VPS13B: variants seen among roughly 807,000 people sequenced by gnomAD.
VPS13B encodes the protein vacuolar protein sorting 13 homolog B.
In VPS13B, 285 loss-of-function variants were observed where a neutral mutation model predicts 426.4. That is an observed-to-expected ratio of 0.67 (90% confidence interval 0.61 to 0.74). VPS13B has a LOEUF of 0.74. VPS13B is among the 30% of genes least tolerant of loss of function. VPS13B has a pLI of 0.00. For synonymous variants in VPS13B, 1,676 were observed against 1,676.4 expected, an observed-to-expected ratio of 1.00 and a Z score of 0.01; for missense variants, 4,537 against 4,782.6, an observed-to-expected ratio of 0.95 and a Z score of 1.51.
intron 30 of VPS13B, among the ~76,000 whole-genome samples, chr8:99,528,993 TAAG>T (rs1223099468): frequency 3.3e-5 from 5 of 151,974 alleles, no homozygotes; most frequent in Non-Finnish European, 5.9e-5. Flanking sequence ...GAAATTAAAA[TAAG>T]AAAAGGTAAA....
intron 23 of VPS13B, among the ~76,000 whole-genome samples, chr8:99,456,309 C>G (rs113580467): frequency 6.6e-6 from 1 of 152,016 alleles, no homozygotes; most frequent in Non-Finnish European, 1.5e-5. Flanking sequence ...GCTGGGATTA[C>G]AGGCGTGCAC....
intron 30 of VPS13B, among the ~76,000 whole-genome samples, chr8:99,537,478 A>G (rs1219191642): frequency 2.6e-5 from 4 of 152,184 alleles, no homozygotes; most frequent in Non-Finnish European, 4.4e-5. Context: ...TTTGTTCTCC[A>G]TAGTTTAACC....
intron 13 of VPS13B, among the ~76,000 whole-genome samples, chr8:99,146,354 T>C (rs753811444): frequency 6.6e-6 from 1 of 152,224 alleles, no homozygotes; most frequent in Non-Finnish European, 1.5e-5. Context: ...TGTGTGGGTC[T>C]GTTTCTGAGT....
At chr8:99,568,398 C>A (rs1268631448) in intron 31 of VPS13B, among the ~76,000 whole-genome samples, 1 of 151,508 alleles carries the variant, frequency 6.6e-6, no homozygotes, top group Non-Finnish European at 1.5e-5. Flanking sequence ...TCAAGCGATT[C>A]TCTTGCCTCA....
intron 51 of VPS13B, among the ~76,000 whole-genome samples, 198 bp downstream of exon 51, chr8:99,824,176 C>G (rs1033612233): frequency 2.0e-5 from 3 of 152,132 alleles, no homozygotes; most frequent in African/African-American, 7.2e-5. Flanking sequence ...GAAATCCTAC[C>G]AAGAAGGAGG....
rs955987581 is a variant in VPS13B at position 99,723,684 on chromosome 8, C to T, written c.7050+2637C>T. Among the ~76,000 whole-genome samples the T allele has an allele frequency of 3.3e-5, 5 of 152,116 alleles. No homozygotes were observed. In the South Asian group the frequency reaches 1.0e-3, roughly 32 times the overall value. On this transcript the variant is annotated intron_variant, in intron 39 of 61. Coordinates refer to ENST00000357162, the MANE Select transcript of VPS13B (RefSeq NM_152564.5). Reference sequence around the variant, plus strand: ...GATCAGAGAGTCCCAGGGACCCAGACAGTAGCCTTGGCATATAAGCAAAAC... The same window carrying T: ...GATCAGAGAGTCCCAGGGACCCAGATAGTAGCCTTGGCATATAAGCAAAAC...
intron 39 of VPS13B, among the ~76,000 whole-genome samples, chr8:99,737,067 A>G (rs1214699886): frequency 7.4e-6 from 1 of 134,418 alleles, no homozygotes; most frequent in East Asian, 2.3e-4. Flanking sequence ...TGTCCTATTG[A>G]ATTTGAAGTG....
intron 33 of VPS13B, among the ~76,000 whole-genome samples, chr8:99,589,811 G>A (rs1826516614): frequency 6.6e-6 from 1 of 152,054 alleles, no homozygotes; most frequent in South Asian, 2.1e-4. Context: ...TTTTTATTGT[G>A]TCTCTGCCAG....
intron 33 of VPS13B, among the ~76,000 whole-genome samples, chr8:99,604,307 A>G (rs1827465580): frequency 6.6e-6 from 1 of 152,136 alleles, no homozygotes; most frequent in South Asian, 2.1e-4. Context: ...TTTCACAACT[A>G]ATGAACCAAC....
rs1817746024 is a variant in VPS13B at position 99,877,497 on chromosome 8, T to C, written c.*1831T>C. 6.6e-6 allele frequency: 1 copy of C among 152,654 alleles called. No individual in the cohort carries two copies. The highest frequency in any genetic ancestry group is 1.5e-5 in the Non-Finnish European group (1 of 68,042). 9.5% of individuals were successfully genotyped at this position (152,654 alleles called of 1,614,324 possible). A position where few individuals can be genotyped will look rare whatever the true frequency, so the allele number is the denominator to read the frequency against. ...AATTTTCACTAATACCTGGGTTTAATACAGCTCACATCACTGAATGTTACA... is the reference window on the plus strand; with the variant it reads ...AATTTTCACTAATACCTGGGTTTAACACAGCTCACATCACTGAATGTTACA... On this transcript the variant is annotated 3_prime_UTR_variant, in exon 62 of 62. Transcript: ENST00000357162.
At chr8:99,093,848 A>C (rs1476173528) in intron 3 of VPS13B, 1 of 152,164 alleles carries the variant, frequency 6.6e-6, no homozygotes, top group Admixed American at 6.5e-5. Flanking sequence ...ATCTAGAAGA[A>C]ATGGATAAAT....
At chr8:99,376,848 A>T (rs1032534670) in intron 19 of VPS13B, among the ~76,000 whole-genome samples, 1 of 152,056 alleles carries the variant, frequency 6.6e-6, no homozygotes, top group African/African-American at 2.4e-5. Flanking sequence ...AGTATATAAT[A>T]TGGCCTGTAC....
At chr8:99,844,981 C>G (rs1252120653) in intron 54 of VPS13B, among the ~76,000 whole-genome samples, 2 of 152,184 alleles carry the variant, frequency 1.3e-5, no homozygotes, top group Non-Finnish European at 2.9e-5. Context: ...CAGACCTCAT[C>G]TTCTAGAGCT....
At chr8:99,587,888 T>A (rs532045633) in intron 33 of VPS13B, among the ~76,000 whole-genome samples, 4 of 151,934 alleles carry the variant, frequency 2.6e-5, no homozygotes, top group East Asian at 3.9e-4. Context: ...AGACATGAAG[T>A]CCTTGCCCAT....
At chr8:99,741,644 C>T (rs1291496503) in intron 39 of VPS13B, among the ~76,000 whole-genome samples, 2 of 151,984 alleles carry the variant, frequency 1.3e-5, no homozygotes, top group African/African-American at 2.4e-5. Context: ...ACAGTGCAAT[C>T]AAACTAGAAC....
At chr8:99,207,083 CT>C (rs1814772630) in intron 17 of VPS13B, among the ~76,000 whole-genome samples, 1 of 152,052 alleles carries the variant, frequency 6.6e-6, no homozygotes, top group African/African-American at 2.4e-5. Flanking sequence ...CCTATATGCA[CT>C]TTTAATAATA....
intron 2 of VPS13B, among the ~76,000 whole-genome samples, chr8:99,015,747 C>G (rs1427926186): frequency 6.6e-6 from 1 of 151,732 alleles, no homozygotes; most frequent in Non-Finnish European, 1.5e-5. Flanking sequence ...ACTAAAAATA[C>G]AAAAAATTAG....
At position 99,127,718 on chromosome 8, in the gene VPS13B, ATATT is replaced by A. The variant is rs371250012; in HGVS notation, c.1206+6278_1206+6281del. Among the ~76,000 whole-genome samples, 14 of 152,332 alleles carry A rather than the reference ATATT, an allele frequency of 9.2e-5. 1 individual carries two copies. The East Asian group carries it at 2.3e-3, about 25-fold the overall frequency. ...TTGTTTATTCAGATTACATCTACTC[ATATT>A]TATTGTATTAGAAGTTAAAACAAAT... On this transcript the variant is annotated intron_variant, in intron 8 of 61. Coordinates refer to ENST00000357162, the MANE Select transcript of VPS13B (RefSeq NM_152564.5).
intron 22 of VPS13B, among the ~76,000 whole-genome samples, chr8:99,440,998 A>G (rs1435149513): frequency 6.6e-6 from 1 of 152,114 alleles, no homozygotes; most frequent in Non-Finnish European, 1.5e-5. Flanking sequence ...ATTTTAAAGC[A>G]TAATTCTAAG....
Sources: gnomAD v4.1 joint callset for allele counts (sites outside exome capture counted in the v4.1 genomes callset) on GRCh38, gnomAD v4.1.1 for gene constraint, MANE v1.5 for transcripts, NCBI Gene and HGNC (gene_info 2026-07-23, HGNC 2026-07-21) for gene names.